LRRTM4: variants seen among roughly 807,000 people sequenced by gnomAD.
LRRTM4 encodes leucine rich repeat transmembrane neuronal 4.
LRRTM4 carries 25 observed loss-of-function variants against 47.6 expected under a neutral mutation model. The observed-to-expected ratio is 0.53, with a 90% confidence interval of 0.38 to 0.73. LRRTM4 has a LOEUF of 0.73. LRRTM4 is among the 30% of genes least tolerant of loss of function. The pLI, the probability that LRRTM4 is intolerant of heterozygous loss-of-function variation, is 0.00. For missense variants in LRRTM4, 638 were observed against 713.4 expected (o/e 0.89, Z 1.20); for synonymous variants, 311 against 269.5 (o/e 1.15, Z -1.51).
At chr2:76,920,554 T>A (rs13385839) in intron 3 of LRRTM4, among the ~76,000 whole-genome samples, 55,847 of 151,898 alleles carry the variant, frequency 0.37, 11,169 homozygotes, top group East Asian at 0.72. Context: ...ACTAGGTGAT[T>A]TGTAGGGCTT....
rs115909886 is a variant in LRRTM4 at position 76,874,517 on chromosome 2, T to C, written c.1552-125601A>G. Among the ~76,000 whole-genome samples the C allele has an allele frequency of 6.2e-3, 946 of 152,128 alleles. 15 individuals are homozygous for C. Among genetic ancestry groups the C allele is most frequent in the African/African-American group, 0.022 (903 of 41,480 alleles). On this transcript the variant is annotated intron_variant, in intron 3 of 3. Transcript: ENST00000409884. ...GATTTTATATGCTTTAATGAAATTATGAGTATATTTTATGCTGATTAAATA... is the reference window on the plus strand; with the variant it reads ...GATTTTATATGCTTTAATGAAATTACGAGTATATTTTATGCTGATTAAATA...
At chr2:77,473,097 T>G (rs1290500949) in intron 3 of LRRTM4, among the ~76,000 whole-genome samples, 1 of 152,102 alleles carries the variant, frequency 6.6e-6, no homozygotes, top group African/African-American at 2.4e-5. Flanking sequence ...TTTATTCCTA[T>G]CACAGGCTAC....
chr2:77,451,519 G>C (rs1211014277), intron 3 of LRRTM4, among the ~76,000 whole-genome samples: 5 of 152,140 alleles, frequency 3.3e-5, no homozygotes, highest in African/African-American at 1.2e-4. Context: ...AAACACTTCT[G>C]TGTGCTTGCT....
At chr2:76,948,485 T>C (rs1675396209) in intron 3 of LRRTM4, among the ~76,000 whole-genome samples, 1 of 151,856 alleles carries the variant, frequency 6.6e-6, no homozygotes, top group South Asian at 2.1e-4. Context: ...TCATCTCTTT[T>C]CATATTTTTT....
intron 3 of LRRTM4, among the ~76,000 whole-genome samples, chr2:76,937,143 A>T (rs953998269): frequency 3.3e-5 from 5 of 151,988 alleles, no homozygotes; most frequent in Non-Finnish European, 7.4e-5. Flanking sequence ...TAATTTTATT[A>T]CCCAACTCTA....
chr2:76,960,451 A>G (rs1389294003), intron 3 of LRRTM4, among the ~76,000 whole-genome samples: 4 of 151,674 alleles, frequency 2.6e-5, no homozygotes, highest in Non-Finnish European at 4.4e-5. Context: ...ATAAAGGAAC[A>G]TTATAGCAAT....
At chr2:76,938,468 G>C (rs1675031153) in intron 3 of LRRTM4, among the ~76,000 whole-genome samples, 1 of 152,084 alleles carries the variant, frequency 6.6e-6, no homozygotes, top group African/African-American at 2.4e-5. Flanking sequence ...AATTTCATTA[G>C]AAAGGACTTC....
chr2:76,817,627 G>T (rs1670938568), intron 3 of LRRTM4, among the ~76,000 whole-genome samples: 1 of 151,896 alleles, frequency 6.6e-6, no homozygotes. Context: ...AGAAGTTCTG[G>T]GAGCAGTCAG....
chr2:77,120,938 C>A (rs1298395919), intron 3 of LRRTM4, among the ~76,000 whole-genome samples: 1 of 151,550 alleles, frequency 6.6e-6, no homozygotes, highest in Non-Finnish European at 1.5e-5. Flanking sequence ...CAATGCAGAA[C>A]CCTGAGTGTT....
intron 3 of LRRTM4, among the ~76,000 whole-genome samples, chr2:76,951,737 G>GC (rs1161521710): frequency 2.0e-5 from 3 of 151,734 alleles, no homozygotes; most frequent in African/African-American, 7.3e-5. Context: ...CTAGTTTTAA[G>GC]CCCCGCATGC....
At position 76,748,717 on chromosome 2, in the gene LRRTM4, T is replaced by A. The variant is rs763866838; in HGVS notation, c.1751A>T (p.Tyr584Phe). The A allele has an allele frequency of 4.3e-6, 7 of 1,611,766 alleles. No homozygotes were observed. In the Admixed American group the frequency reaches 1.2e-4, roughly 27 times the overall value. The change falls in exon 4 of 4, where the codon TAC (tyrosine) becomes TTC (phenylalanine). Residue 584 changes from tyrosine (Y) to phenylalanine (F), a missense_variant. Transcript: ENST00000409884. Reference protein sequence around the residue: ...TIARSAAPAIYLERIAN With the variant: ...TIARSAAPAIFLERIAN ...GCGTTAGTTTGCAATTCTCTCTAGG[T>A]AGATGGCCGGTGCTGCCGACCTGGC...
intron 3 of LRRTM4, among the ~76,000 whole-genome samples, chr2:76,962,588 T>A (rs1675897393): frequency 1.3e-5 from 2 of 150,780 alleles, no homozygotes; most frequent in African/African-American, 4.8e-5. Context: ...ACTTCACCAT[T>A]TAAAACCCAC....
chr2:77,146,990 C>A (rs1234252326), intron 3 of LRRTM4, among the ~76,000 whole-genome samples: 1 of 152,036 alleles, frequency 6.6e-6, no homozygotes, highest in African/African-American at 2.4e-5. Flanking sequence ...CATTAACTGG[C>A]AAATCTGATT....
At chr2:77,035,520 C>G (rs951028110) in intron 3 of LRRTM4, among the ~76,000 whole-genome samples, 3 of 151,830 alleles carry the variant, frequency 2.0e-5, no homozygotes, top group Non-Finnish European at 2.9e-5. Context: ...AATTTTATTT[C>G]ATTTTTTAAA....
intron 3 of LRRTM4, among the ~76,000 whole-genome samples, chr2:77,153,354 C>T (rs1234690853): frequency 6.6e-6 from 1 of 152,130 alleles, no homozygotes; most frequent in Non-Finnish European, 1.5e-5. Context: ...TGCCTTTCTT[C>T]CTAGATACAC....
chr2:77,009,607 A>G (rs1677793512), intron 3 of LRRTM4: 1 of 152,170 alleles, frequency 6.6e-6, no homozygotes, highest in African/African-American at 2.4e-5. Context: ...ATTCAAAATA[A>G]AGCTAAGACT....
chr2:77,215,390 T>C (rs1018706442), intron 3 of LRRTM4, among the ~76,000 whole-genome samples: 1 of 152,206 alleles, frequency 6.6e-6, no homozygotes, highest in African/African-American at 2.4e-5. Flanking sequence ...AAAATGCACT[T>C]CAAAGTTATG....
chr2:77,075,200 C>G (rs1680292241), intron 3 of LRRTM4, among the ~76,000 whole-genome samples: 1 of 152,068 alleles, frequency 6.6e-6, no homozygotes, highest in Non-Finnish European at 1.5e-5. Context: ...GATGTTACAC[C>G]CTTTCAAAAC....
At chr2:76,876,212 C>T (rs534370729) in intron 3 of LRRTM4, among the ~76,000 whole-genome samples, 2 of 152,226 alleles carry the variant, frequency 1.3e-5, no homozygotes, top group African/African-American at 4.8e-5. Flanking sequence ...CTATTAAATA[C>T]TGATCTATCT....
Sources: gnomAD v4.1 joint callset for allele counts (sites outside exome capture counted in the v4.1 genomes callset) on GRCh38, gnomAD v4.1.1 for gene constraint, MANE v1.5 for transcripts, NCBI Gene and HGNC (gene_info 2026-07-23, HGNC 2026-07-21) for gene names.